The following TOX variants were observed in gnomAD, a reference collection of about 807,000 sequenced individuals.
The protein encoded by TOX is thymocyte selection associated high mobility group box, also known as thymocyte selection-associated high mobility group box protein TOX.
In TOX, 11 loss-of-function variants were observed where a neutral mutation model predicts 53.7. The observed-to-expected ratio is 0.20, with a 90% CI of 0.13 to 0.34. TOX has a LOEUF of 0.34. TOX is among the 10% of genes least tolerant of loss of function. The pLI, the probability that TOX is intolerant of heterozygous loss-of-function variation, is 1.00. For missense variants in TOX, 570 were observed against 664.6 expected, an observed-to-expected ratio of 0.86 and a Z score of 1.56; for synonymous variants, 225 against 245.3, an observed-to-expected ratio of 0.92 and a Z score of 0.77.
intron 3 of TOX, among the ~76,000 whole-genome samples, chr8:58,856,933 C>T (rs915890114): frequency 6.6e-6 from 1 of 152,148 alleles, no homozygotes; most frequent in Non-Finnish European, 1.5e-5. Flanking sequence ...AAGTAAATGT[C>T]TGTCATTGCA....
At chr8:59,047,032 A>C (rs971896419) in intron 1 of TOX, among the ~76,000 whole-genome samples, 1 of 152,078 alleles carries the variant, frequency 6.6e-6, no homozygotes, top group African/African-American at 2.4e-5. Context: ...GCTCTGCACT[A>C]TGGCATAGGC....
intron 1 of TOX, among the ~76,000 whole-genome samples, chr8:58,971,175 T>C (rs1812995215): frequency 6.6e-6 from 1 of 152,224 alleles, no homozygotes; most frequent in Non-Finnish European, 1.5e-5. Context: ...TGTTCTTTTA[T>C]GCCAAAAGCA....
intron 1 of TOX, among the ~76,000 whole-genome samples, chr8:58,994,805 G>A (rs373631989): frequency 1.3e-5 from 2 of 152,114 alleles, no homozygotes; most frequent in Non-Finnish European, 1.5e-5. Flanking sequence ...AGGTCATGTC[G>A]GAACAGCTAA....
intron 3 of TOX, among the ~76,000 whole-genome samples, chr8:58,924,962 G>C (rs1374072919): frequency 6.6e-6 from 1 of 152,106 alleles, no homozygotes; most frequent in Admixed American, 6.5e-5. Context: ...ATGTGGGGTG[G>C]AGTTTGACTC....
chr8:58,992,379 A>AT (rs200956896), intron 1 of TOX, among the ~76,000 whole-genome samples: 5,301 of 151,704 alleles, frequency 0.035, 252 homozygotes, highest in South Asian at 0.11. Context: ...GTACAGATTT[A>AT]TTTTTTTTTC....
chr8:58,941,111 G>A (rs1249079575), intron 2 of TOX, among the ~76,000 whole-genome samples: 1 of 152,304 alleles, frequency 6.6e-6, no homozygotes, highest in African/African-American at 2.4e-5. Context: ...TTAACAATAT[G>A]TATCCCATGT....
chr8:59,073,529 G>T (rs1804239213), intron 1 of TOX, among the ~76,000 whole-genome samples: 1 of 152,082 alleles, frequency 6.6e-6, no homozygotes, highest in African/African-American at 2.4e-5. Context: ...TTACTTTCAG[G>T]CCAGCACATA....
At chr8:58,949,586 C>T (rs72651323) in intron 2 of TOX, among the ~76,000 whole-genome samples, 46,745 of 151,992 alleles carry the variant, frequency 0.31, 7,453 homozygotes, top group East Asian at 0.4. Context: ...ACTAGTTGGG[C>T]AGATGAGAAT....
intron 3 of TOX, among the ~76,000 whole-genome samples, chr8:58,863,648 GA>G (rs1203603152): frequency 6.6e-6 from 1 of 152,158 alleles, no homozygotes; most frequent in African/African-American, 2.4e-5. Context: ...AAGATAGTTG[GA>G]AGGACTTATA....
chr8:59,016,335 C>A (rs1468971308), intron 1 of TOX, among the ~76,000 whole-genome samples: 1 of 152,068 alleles, frequency 6.6e-6, no homozygotes, highest in Non-Finnish European at 1.5e-5. Flanking sequence ...ACTTTCCCCC[C>A]AAAACTGGAG....
chr8:58,980,938 A>C (rs1247639641), intron 1 of TOX, among the ~76,000 whole-genome samples: 1 of 152,112 alleles, frequency 6.6e-6, no homozygotes, highest in Non-Finnish European at 1.5e-5. Context: ...TCATCTGCTT[A>C]TTCCACATTT....
At chr8:59,011,917 A>T (rs890257657) in intron 1 of TOX, among the ~76,000 whole-genome samples, 1 of 152,196 alleles carries the variant, frequency 6.6e-6, no homozygotes, top group Non-Finnish European at 1.5e-5. Flanking sequence ...GAAATGCTAC[A>T]GAGAGGAATT....
chr8:59,077,044 C>T (rs1383711634), intron 1 of TOX, among the ~76,000 whole-genome samples: 1 of 152,226 alleles, frequency 6.6e-6, no homozygotes, highest in Non-Finnish European at 1.5e-5. Flanking sequence ...ATATTGAAGG[C>T]AGCGGAGTGA....
chr8:58,973,193 G>C (rs1181153472), intron 1 of TOX, among the ~76,000 whole-genome samples: 1 of 152,126 alleles, frequency 6.6e-6, no homozygotes, highest in Non-Finnish European at 1.5e-5. Context: ...AGGCAACAAA[G>C]CTCTTTAGAT....
At chr8:58,876,447 C>A (rs950562157) in intron 3 of TOX, among the ~76,000 whole-genome samples, 4 of 147,992 alleles carry the variant, frequency 2.7e-5, no homozygotes, top group African/African-American at 1.0e-4. Flanking sequence ...ATCAACATAT[C>A]CCTCTTTTAA....
At chr8:58,865,793 C>G (rs1014198602) in intron 3 of TOX, among the ~76,000 whole-genome samples, 3 of 146,800 alleles carry the variant, frequency 2.0e-5, no homozygotes, top group African/African-American at 7.5e-5. Flanking sequence ...TGTCATTTCA[C>G]TATCTTTTTT....
At chr8:59,027,122 A>G (rs1455856737) in intron 1 of TOX, among the ~76,000 whole-genome samples, 1 of 152,196 alleles carries the variant, frequency 6.6e-6, no homozygotes, top group African/African-American at 2.4e-5. Context: ...GACTGGGTGC[A>G]ATCTACAAAG....
chr8:59,118,806 C>G lies in TOX; in HGVS notation c.102+80G>C. 13 of 1,186,530 alleles carry G rather than the reference C, an allele frequency of 1.1e-5. No individual in the cohort carries two copies. Among genetic ancestry groups the G allele is most frequent in the Non-Finnish European group, 1.5e-5 (13 of 856,384 alleles). The allele number at this position is 1,186,530 out of a possible 1,614,324, so 73.5% of individuals were successfully genotyped here. ...GGGACCGGCCTCCGCCAAGCCGGCC[C>G]CGCCGCGGCCCGGCCACCGCCGCTC... On this transcript the variant is annotated intron_variant, in intron 1 of 8. Coordinates refer to ENST00000361421, the MANE Select transcript of TOX (RefSeq NM_014729.3). The surrounding 1 kb of genome is among the most constrained non-coding windows in gnomAD (Gnocchi z 4.1).
chr8:58,960,551 G>A (rs1459312445), intron 1 of TOX, among the ~76,000 whole-genome samples: 1 of 152,132 alleles, frequency 6.6e-6, no homozygotes, highest in Non-Finnish European at 1.5e-5. Context: ...AAGAGCATGT[G>A]TCACTACAAC....
Sources: allele counts gnomAD v4.1 joint callset (sites outside exome capture counted in the v4.1 genomes callset), GRCh38; gene constraint gnomAD v4.1.1; non-coding constraint Gnocchi (gnomAD v3.1); transcripts MANE v1.5; gene names NCBI Gene and HGNC (gene_info 2026-07-23, HGNC 2026-07-21).